The following DRC7 variants were observed in gnomAD, a reference collection of about 807,000 sequenced individuals.
DRC7 encodes the protein coiled-coil domain containing 135.
Under a neutral mutation model 104.4 loss-of-function variants are expected in DRC7, and 80 were observed. That is an observed-to-expected ratio of 0.77 (90% confidence interval 0.64 to 0.92). The LOEUF (loss-of-function observed/expected upper bound fraction) is 0.92. DRC7 is among the 40% of genes least tolerant of loss of function. DRC7 has a pLI of 0.00. For synonymous variants in DRC7, 405 were observed against 447.3 expected, an observed-to-expected ratio of 0.91 and a Z score of 1.19; for missense variants, 1,034 against 1,141.1, an observed-to-expected ratio of 0.91 and a Z score of 1.35.
chr16:57,727,522 A>T (rs1289315998), intron 16 of DRC7, 113 bp downstream of exon 16: 15 of 722,770 alleles, frequency 2.1e-5, no homozygotes, highest in Non-Finnish European at 3.2e-5. Flanking sequence ...GGATACGGTT[A>T]TTGATACCAT....
In DRC7 at chr16:57,726,127, G is replaced by C. The variant is rs560721150; in HGVS notation, c.1818G>C (p.Glu606Asp). 1.4e-5 allele frequency: 23 copies of C among 1,613,262 alleles called. No homozygotes were observed. In the South Asian group the frequency reaches 2.4e-4, roughly 17 times the overall value. ...AGCCCGCGGAGGAGGACGTGGCAGAGCGCGTGTTTCTGGTCGCGGAGGAGC... is the reference window on the plus strand; with the variant it reads ...AGCCCGCGGAGGAGGACGTGGCAGACCGCGTGTTTCTGGTCGCGGAGGAGC... ...PAKPAEEDVA[E>D]RVFLVAEERI... is the part of the protein sequence containing the mutation. The change falls in exon 14 of 19, where the codon GAG becomes GAC. Residue 606 changes from glutamate to aspartate, a missense_variant. Physicochemically the swap from Glu to Asp is conservative, Grantham distance 45 (BLOSUM62 2). Transcript: ENST00000360716.
At chr16:57,697,005 C>T (rs2048599357) in intron 2 of DRC7, among the ~76,000 whole-genome samples, 1 of 152,142 alleles carries the variant, frequency 6.6e-6, no homozygotes, top group South Asian at 2.1e-4. Flanking sequence ...CTCTGCCTCC[C>T]AGGTTCAAGT....
At chr16:57,699,338 GTC>G (rs1416049012) in intron 4 of DRC7, among the ~76,000 whole-genome samples, 1 of 152,244 alleles carries the variant, frequency 6.6e-6, no homozygotes, top group East Asian at 1.9e-4. Context: ...TTGTGTGGGA[GTC>G]TCTGGTTTTT....
chr16:57,715,705 C>T (rs146558328), intron 8 of DRC7, among the ~76,000 whole-genome samples: 41 of 152,346 alleles, frequency 2.7e-4, no homozygotes, highest in Admixed American at 9.8e-4. Context: ...ATTTCTCCCA[C>T]GCCACACAGA....
At chr16:57,705,083 T>A (rs2148737757) in intron 7 of DRC7, 49 bp downstream of exon 7, 1 of 1,579,436 alleles carries the variant, frequency 6.3e-7, no homozygotes, top group East Asian at 2.3e-5. Flanking sequence ...GAGAAAGGAC[T>A]GCTAGGGATG....
Position 57,726,179 on chromosome 16 carries a change from G to C in DRC7, c.1870G>C (p.Glu624Gln). 2 of 1,613,252 alleles carry C rather than the reference G, an allele frequency of 1.2e-6. No homozygotes were observed. Among genetic ancestry groups the C allele is most frequent in the Non-Finnish European group, 1.7e-6 (2 of 1,180,024 alleles). ...ERIQLRYHCR[E>Q]DHITASKREF... ...CATCCAGCTGCGCTACCACTGCCGT[G>C]AGGACCACATCACGGCCTCCAAGCG... The change falls in exon 14 of 19, where the codon GAG becomes CAG. Residue 624 changes from glutamate (E) to glutamine (Q), a missense_variant. Transcript: ENST00000360716.
chr16:57,724,629 T>C lies in DRC7; in HGVS notation c.1552T>C (p.Ser518Pro), dbSNP rs745452424. 10 of 1,612,486 alleles carry C rather than the reference T, an allele frequency of 6.2e-6. No homozygotes were observed. The South Asian group carries it at 1.1e-4, about 18-fold the overall frequency. ...PQALRVHSYK[S>P]MQPEMDRVIE... is the part of the protein sequence containing the mutation. ...TCCCCACCCAGTGCACTCGTACAAG[T>C]CCATGCAACCTGAGATGGACCGTGT... The change falls in exon 13 of 19, where the codon TCC (serine) becomes CCC (proline). Residue 518 changes from serine (S) to proline (P), a missense_variant. Ser to Pro is a moderately conservative substitution (Grantham distance 74, BLOSUM62 -1). Coordinates refer to ENST00000360716, the MANE Select transcript of DRC7 (RefSeq NM_001289162.2).
In DRC7 at chr16:57,731,225, A is replaced by G; in HGVS notation, c.2592A>G (p.Pro864=). The G allele has an allele frequency of 1.9e-6, 3 of 1,613,670 alleles. No homozygotes were observed. Among genetic ancestry groups the G allele is most frequent in the Non-Finnish European group, 2.5e-6 (3 of 1,179,946 alleles). The change falls in exon 19 of 19, where the codon CCA becomes CCG. Residue 864 remains proline, a synonymous_variant. Coordinates refer to ENST00000360716, the MANE Select transcript of DRC7 (RefSeq NM_001289162.2). ...LALEEKLYKD[P]RLGELQKIFA is the part of the protein sequence containing the mutation. ...TGGAGGAAAAGCTCTACAAGGACCC[A>G]CGCCTGGGGGAGCTCCAGAAAATAT... is the stretch of plus-strand genomic sequence containing the variant.
chr16:57,705,133 A>C, intron 7 of DRC7, 99 bp downstream of exon 7: 1 of 1,322,990 alleles, frequency 7.6e-7, no homozygotes, highest in Non-Finnish European at 1.0e-6. Flanking sequence ...GTGTGTATGG[A>C]CCCCCCAACT....
intron 8 of DRC7, among the ~76,000 whole-genome samples, chr16:57,710,411 G>A (rs778862915): frequency 5.3e-5 from 8 of 152,212 alleles, no homozygotes; most frequent in African/African-American, 7.2e-5. Context: ...TAGCCTTTGC[G>A]TGGATTCCAT....
In DRC7 at chr16:57,728,713, T is replaced by C. The variant is rs1315620020; in HGVS notation, c.2391+129T>C. The C allele has an allele frequency of 8.7e-6, 6 of 692,556 alleles. No homozygotes were observed. The East Asian group carries it at 1.9e-4, about 22-fold the overall frequency. The allele number at this position is 692,556 out of a possible 1,614,324, so 42.9% of individuals were successfully genotyped here. On this transcript the variant is annotated intron_variant, in intron 17 of 18. Transcript: ENST00000360716. ...GATGACGGGATGAATATGTCAATGC[T>C]TGGGGTTTCCAAATGACTGAGTTGT...
intron 17 of DRC7, 92 bp from the exon 18 acceptor site, chr16:57,730,839 G>A (rs1349956881): frequency 1.4e-6 from 2 of 1,394,778 alleles, no homozygotes; most frequent in East Asian, 2.3e-5. Context: ...AACCGTCATG[G>A]TGCTGTCTAG....
intron 12 of DRC7, among the ~76,000 whole-genome samples, chr16:57,724,218 G>A (rs754205591): frequency 2.7e-5 from 4 of 150,480 alleles, no homozygotes; most frequent in Admixed American, 6.7e-5. Flanking sequence ...GCTGAGACAG[G>A]AGAGTCACTT....
At chr16:57,700,546 C>T (rs979293973) in intron 5 of DRC7, among the ~76,000 whole-genome samples, 14 of 150,868 alleles carry the variant, frequency 9.3e-5, no homozygotes, top group Admixed American at 3.3e-4. Context: ...ACTGGGGAGG[C>T]TGAGGCAGGA....
At position 57,724,742 on chromosome 16, in the gene DRC7, C is replaced by T. The variant is rs370396621; in HGVS notation, c.1665C>T (p.Arg555=). Residue 555 remains arginine, a synonymous_variant, in exon 13 of 19, where the codon CGC becomes CGT. Transcript: ENST00000360716. ...CAATGACAGAGTACTATCAAGGACG[C>T]CCAGACTTCCTCTCCTACCGCCATG... is the stretch of plus-strand genomic sequence containing the variant. ...PRTMTEYYQG[R]PDFLSYRHAS... 2.5e-6 allele frequency: 4 copies of T among 1,613,752 alleles called. No individual in the cohort carries two copies. The highest frequency in any genetic ancestry group is 3.4e-6 in the Non-Finnish European group (4 of 1,180,014).
chr16:57,717,343 T>G (rs1297939787), intron 8 of DRC7, among the ~76,000 whole-genome samples: 1 of 140,244 alleles, frequency 7.1e-6, no homozygotes, highest in Non-Finnish European at 1.5e-5. Context: ...CAAGTGATCC[T>G]CCTGCCTCAG....
chr16:57,729,318 ATGAGTGGG>A (rs2049017220), intron 17 of DRC7, among the ~76,000 whole-genome samples: 2 of 124,036 alleles, frequency 1.6e-5, no homozygotes, highest in African/African-American at 7.2e-5. Flanking sequence ...GGATGGATGG[ATGAGTGGG>A]TGGATGGATG....
In DRC7 at chr16:57,726,864, C is replaced by G. The variant is rs1279495668; in HGVS notation, c.2007C>G (p.Leu669=). The stretch of plus-strand genomic sequence containing the variant: ...CCATGGAGCACACCAAGAAGCTGCT[C>G]TACCAGTACGAGGCCATGATGCACC... ...VEPMEHTKKL[L]YQYEAMMHLK... is the part of the protein sequence containing the mutation. Residue 669 remains leucine, a synonymous_variant, in exon 15 of 19, where the codon CTC becomes CTG. Transcript: ENST00000360716. 1 of 1,612,922 alleles carries G rather than the reference C, an allele frequency of 6.2e-7. No individual in the cohort carries two copies. Among genetic ancestry groups the G allele is most frequent in the Non-Finnish European group, 8.5e-7 (1 of 1,179,690 alleles).
chr16:57,721,502 C>A (rs897200732), intron 9 of DRC7, among the ~76,000 whole-genome samples, 165 bp from the exon 10 acceptor site: 11 of 151,874 alleles, frequency 7.2e-5, no homozygotes, highest in Non-Finnish European at 8.8e-5. Flanking sequence ...AGAGTCGACT[C>A]CTCCTTTTCC....
Sources: gnomAD v4.1 joint callset for allele counts (sites outside exome capture counted in the v4.1 genomes callset) on GRCh38, gnomAD v4.1.1 for gene constraint, MANE v1.5 for transcripts, NCBI Gene and HGNC (gene_info 2026-07-23, HGNC 2026-07-21) for gene names.